Variants in ISM1 observed in about 807,000 individuals in gnomAD.
ISM1 encodes the protein isthmin-1.
A neutral mutation model predicts 46.3 loss-of-function variants in ISM1; 25 were observed. That is an observed-to-expected ratio of 0.54 (90% confidence interval 0.39 to 0.75). ISM1 has a LOEUF of 0.75. ISM1 is among the 30% of genes least tolerant of loss of function. The pLI is 0.00. For missense variants in ISM1, 536 were observed against 625.4 expected, an observed-to-expected ratio of 0.86 and a Z score of 1.52; for synonymous variants, 255 against 256.7, an observed-to-expected ratio of 0.99 and a Z score of 0.06.
At position 13,247,745 on chromosome 20, in the gene ISM1, C is replaced by T. The variant is rs185326883; in HGVS notation, c.139-22759C>T. On this transcript the variant is annotated intron_variant, in intron 1 of 5. Coordinates refer to ENST00000262487, the MANE Select transcript of ISM1 (RefSeq NM_080826.2). The stretch of plus-strand genomic sequence containing the variant: ...TCATAAAGGAGAGGAAACCTGACCA[C>T]GACAGGAAGTGACTTACAGCCCCTG... 1.4e-3 allele frequency among the ~76,000 whole-genome samples: 208 copies of T among 152,124 alleles called. 2 individuals are homozygous for T. The South Asian group carries it at 0.025, about 18-fold the overall frequency.
chr20:13,286,950 C>T (rs2040300332), intron 3 of ISM1, among the ~76,000 whole-genome samples: 1 of 152,188 alleles, frequency 6.6e-6, no homozygotes, highest in South Asian at 2.1e-4. Context: ...CTGGGTAAAC[C>T]AGGAGAAACT....
At chr20:13,251,082 G>C (rs2039863556) in intron 1 of ISM1, among the ~76,000 whole-genome samples, 1 of 152,040 alleles carries the variant, frequency 6.6e-6, no homozygotes, top group Admixed American at 6.5e-5. Flanking sequence ...TCTGCTCCTT[G>C]GATTTCTGCC....
intron 1 of ISM1, among the ~76,000 whole-genome samples, chr20:13,264,154 TTGGAGAC>T (rs1457155698): frequency 6.6e-6 from 1 of 152,182 alleles, no homozygotes; most frequent in Non-Finnish European, 1.5e-5. Flanking sequence ...AGGAGGGAGT[TTGGAGAC>T]TGAAGACAGG....
At chr20:13,268,945 A>G (rs2040079230) in intron 1 of ISM1, among the ~76,000 whole-genome samples, 1 of 152,116 alleles carries the variant, frequency 6.6e-6, no homozygotes, top group South Asian at 2.1e-4. Context: ...AAGTAAAAAT[A>G]ATAATCCCTT....
chr20:13,247,599 A>G (rs916977522), intron 1 of ISM1, among the ~76,000 whole-genome samples: 2 of 151,016 alleles, frequency 1.3e-5, no homozygotes, highest in Admixed American at 6.6e-5. Context: ...AGACTTTAGC[A>G]TGAGGGATGA....
rs1357450483 is a variant in ISM1, at chr20:13,288,663, G to A, written c.767G>A (p.Cys256Tyr). Residue 256 changes from cysteine to tyrosine, a missense_variant, in exon 4 of 6, where the codon TGT (cysteine) becomes TAT (tyrosine). This residue lies in a region of ISM1 where 367 missense variants were observed against 376.1 expected (regional missense o/e 0.98). Transcript: ENST00000262487. ...YACTATESRT[C>Y]DRPNCPGIED... ...TGCACTGCAACAGAATCGAGGACCT[G>A]TGACCGTCCAAACTGCCCAGGTGCG... The A allele has an allele frequency of 1.2e-6, 2 of 1,613,974 alleles. No individual in the cohort carries two copies. Among genetic ancestry groups the A allele is most frequent in the East Asian group, 2.2e-5 (1 of 44,886 alleles).
chr20:13,288,556 G>C lies in ISM1; in HGVS notation c.660G>C (p.Glu220Asp). 1 of 1,613,872 alleles carries C rather than the reference G, an allele frequency of 6.2e-7. No individual in the cohort carries two copies. The highest frequency in any genetic ancestry group is 1.3e-5 in the African/African-American group (1 of 75,032). The stretch of plus-strand genomic sequence containing the variant: ...GTCTTCCAGATTCCACAGATGGCGA[G>C]GGTGACTGGAGTCTCTGGTCTGTCT... ...DQPEYDSTDGEGDWSLWSVCS... is the reference protein window; with the variant it reads ...DQPEYDSTDGDGDWSLWSVCS... Residue 220 changes from glutamate (E) to aspartate (D), a missense_variant, in exon 4 of 6, where the codon GAG becomes GAC. Physicochemically the swap from Glu to Asp is conservative, Grantham distance 45. Coordinates refer to ENST00000262487, the MANE Select transcript of ISM1 (RefSeq NM_080826.2).
At chr20:13,233,169 G>A (rs747475138) in intron 1 of ISM1, among the ~76,000 whole-genome samples, 4 of 152,216 alleles carry the variant, frequency 2.6e-5, no homozygotes, top group South Asian at 2.1e-4. Flanking sequence ...AATAGATTTC[G>A]TATCTCCTGC....
chr20:13,314,424 T>C, the ISM1 span, among the ~76,000 whole-genome samples: 1 of 151,950 alleles, frequency 6.6e-6, no homozygotes, highest in Admixed American at 6.6e-5. Flanking sequence ...AAGAATTACA[T>C]CCACCTTCTC....
At chr20:13,303,720 A>G (rs776787248), downstream of ISM1, among the ~76,000 whole-genome samples, 2 of 152,230 alleles carry the variant, frequency 1.3e-5, no homozygotes, top group Non-Finnish European at 1.5e-5. Context: ...CCAAATATTT[A>G]TTGAGCATAT....
At chr20:13,314,445 A>G in the ISM1 span, among the ~76,000 whole-genome samples, 1 of 152,080 alleles carries the variant, frequency 6.6e-6, no homozygotes. Context: ...CTCAGAAACC[A>G]CATAAGCAAT....
chr20:13,246,386 C>A (rs1384541686), intron 1 of ISM1, among the ~76,000 whole-genome samples: 1 of 152,152 alleles, frequency 6.6e-6, no homozygotes. Context: ...CTGCTCCCTG[C>A]CTATCTGTGG....
chr20:13,310,571 G>A, the ISM1 span, among the ~76,000 whole-genome samples: 1 of 152,206 alleles, frequency 6.6e-6, no homozygotes, highest in African/African-American at 2.4e-5. Flanking sequence ...TAGGCAAACG[G>A]GTTTGCATCA....
In ISM1 at chr20:13,282,249, G is replaced by T. The variant is rs139655705; in HGVS notation, c.643+2351G>T. 3.9e-4 allele frequency among the ~76,000 whole-genome samples: 60 copies of T among 152,258 alleles called. No individual in the cohort carries two copies. The East Asian group carries it at 0.01, about 26-fold the overall frequency. ...CGTTGTCTTTTAAAGCTCCGAGGATGACTTCATTGTTCAGCCCGGGTTGAA... is the reference window on the plus strand; with the variant it reads ...CGTTGTCTTTTAAAGCTCCGAGGATTACTTCATTGTTCAGCCCGGGTTGAA... On this transcript the variant is annotated intron_variant, in intron 3 of 5. Coordinates refer to ENST00000262487, the MANE Select transcript of ISM1 (RefSeq NM_080826.2).
chr20:13,301,871 G>C (rs2040461097), downstream of ISM1, among the ~76,000 whole-genome samples: 1 of 152,160 alleles, frequency 6.6e-6, no homozygotes, highest in Non-Finnish European at 1.5e-5. Flanking sequence ...TGTTTGTTAA[G>C]TGTAAGCACA....
the ISM1 span, among the ~76,000 whole-genome samples, chr20:13,318,623 TA>T: frequency 1.5e-4 from 23 of 152,228 alleles, no homozygotes; most frequent in African/African-American, 5.3e-4. Context: ...AACTATATCT[TA>T]TTAGCACTGA....
At chr20:13,223,592 TAC>T (rs2039477903) in intron 1 of ISM1, among the ~76,000 whole-genome samples, 1 of 152,192 alleles carries the variant, frequency 6.6e-6, no homozygotes, top group South Asian at 2.1e-4. Flanking sequence ...AGTAGAAAAG[TAC>T]ACACCCCAAA....
the ISM1 span, among the ~76,000 whole-genome samples, chr20:13,322,191 C>A: frequency 8.5e-5 from 13 of 152,194 alleles, no homozygotes; most frequent in Non-Finnish European, 1.6e-4. Flanking sequence ...AGATGACTTC[C>A]AATTTGACAG....
chr20:13,277,055 A>G (rs1241229260), intron 2 of ISM1, among the ~76,000 whole-genome samples: 1 of 152,118 alleles, frequency 6.6e-6, no homozygotes, highest in African/African-American at 2.4e-5. Flanking sequence ...AGTCATCGAT[A>G]TAGCTTTTGG....
Sources: allele counts gnomAD v4.1 joint callset (sites outside exome capture counted in the v4.1 genomes callset), GRCh38; gene constraint gnomAD v4.1.1; regional missense constraint gnomAD v4.1.1; transcripts MANE v1.5; gene names NCBI Gene and HGNC (gene_info 2026-07-23, HGNC 2026-07-21).